Variants in MTA3 observed in about 807,000 individuals in gnomAD.
MTA3 encodes metastasis associated 1 family member 3.
A neutral mutation model predicts 83.5 loss-of-function variants in MTA3; 34 were observed. That is an observed-to-expected ratio of 0.41 (90% CI 0.31 to 0.54). The LOEUF (loss-of-function observed/expected upper bound fraction) is 0.54. Among genes scored for constraint, MTA3 ranks in the 20% least tolerant of loss-of-function variants. The pLI is 0.33. For missense variants in MTA3, 761 were observed against 726.4 expected, an observed-to-expected ratio of 1.05 and a Z score of -0.55; for synonymous variants, 303 against 252.7, an observed-to-expected ratio of 1.20 and a Z score of -1.89.
intron 8 of MTA3, among the ~76,000 whole-genome samples, chr2:42,667,428 C>G (rs571557797): frequency 9.9e-4 from 150 of 152,170 alleles, no homozygotes; most frequent in African/African-American, 3.1e-3. Flanking sequence ...GCCCTCTAGC[C>G]ACTACCCTTC....
chr2:42,509,720 A>G (rs1287705709), intron 2 of MTA3, among the ~76,000 whole-genome samples: 1 of 152,056 alleles, frequency 6.6e-6, no homozygotes, highest in Non-Finnish European at 1.5e-5. Flanking sequence ...GCAGTGAGCC[A>G]TGATCATACC....
intron 4 of MTA3, among the ~76,000 whole-genome samples, chr2:42,616,807 G>A (rs1450899558): frequency 2.0e-5 from 3 of 151,654 alleles, no homozygotes; most frequent in Non-Finnish European, 4.4e-5. Flanking sequence ...GCAAACGATC[G>A]CTGCTGGTCT....
intron 2 of MTA3, among the ~76,000 whole-genome samples, chr2:42,520,691 A>G (rs924608893): frequency 8.6e-5 from 13 of 151,874 alleles, no homozygotes; most frequent in African/African-American, 3.1e-4. Context: ...TCAACGTCCC[A>G]AGTAGCTAGG....
At chr2:42,584,201 G>A (rs187407650) in intron 3 of MTA3, among the ~76,000 whole-genome samples, 17 of 152,142 alleles carry the variant, frequency 1.1e-4, no homozygotes, top group African/African-American at 4.1e-4. Flanking sequence ...TGTACAAGCA[G>A]AGAAGAATAC....
chr2:42,505,500 C>T (rs965848060), intron 2 of MTA3, among the ~76,000 whole-genome samples: 1 of 152,088 alleles, frequency 6.6e-6, no homozygotes, highest in African/African-American at 2.4e-5. Flanking sequence ...GGCTGTCTTG[C>T]CTCCCATGCT....
intron 9 of MTA3, among the ~76,000 whole-genome samples, chr2:42,690,133 C>T (rs1400147927): frequency 6.6e-6 from 1 of 152,090 alleles, no homozygotes; most frequent in Admixed American, 6.6e-5. Context: ...AGCTACTGCA[C>T]TCCAGCCTGG....
intron 6 of MTA3, among the ~76,000 whole-genome samples, chr2:42,650,731 G>A (rs527706360): frequency 3.8e-4 from 58 of 152,184 alleles, no homozygotes; most frequent in African/African-American, 1.4e-3. Context: ...ACCCTTGATT[G>A]TGTTTGTTTT....
intron 3 of MTA3, among the ~76,000 whole-genome samples, chr2:42,603,107 C>A (rs1256653563): frequency 7.8e-6 from 1 of 128,308 alleles, no homozygotes; most frequent in East Asian, 2.2e-4. Flanking sequence ...AATAAATTTA[C>A]TTTTTTTTTT....
intron 2 of MTA3, among the ~76,000 whole-genome samples, chr2:42,510,282 C>T (rs911548894): frequency 1.4e-5 from 2 of 147,878 alleles, no homozygotes; most frequent in African/African-American, 5.0e-5. Flanking sequence ...GCTGAGATTG[C>T]ACCACTGCTC....
intron 3 of MTA3, among the ~76,000 whole-genome samples, chr2:42,593,410 G>A (rs185802272): frequency 2.9e-4 from 44 of 152,104 alleles, no homozygotes. Context: ...CATTATCTAT[G>A]TCAAGTGTTA....
rs530138635 is a variant in MTA3 at position 42,661,162 on chromosome 2, T to C, written c.702+1300T>C. Among the ~76,000 whole-genome samples the C allele has an allele frequency of 2.6e-5, 4 of 152,328 alleles. No homozygotes were observed. The East Asian group carries it at 5.8e-4, about 22-fold the overall frequency. The stretch of plus-strand genomic sequence containing the variant: ...TTAGGATCTCCAAAATGGGTTTGTA[T>C]TTCAGTTGTTTAGAGCTTCGAGAAT... On this transcript the variant is annotated intron_variant, in intron 8 of 16. Coordinates refer to ENST00000405094, the MANE Select transcript of MTA3 (RefSeq NM_001330442.2).
rs572860064 is a variant in MTA3 at position 42,599,544 on chromosome 2, T to G, written c.191-9914T>G. Among the ~76,000 whole-genome samples, 31 of 151,750 alleles carry G rather than the reference T, an allele frequency of 2.0e-4. No individual in the cohort carries two copies. The South Asian group carries it at 6.5e-3, about 32-fold the overall frequency. On this transcript the variant is annotated intron_variant, in intron 3 of 16. Transcript: ENST00000405094. The stretch of plus-strand genomic sequence containing the variant: ...GGTGGAGGTTGCAGTGAGCCGAGAT[T>G]GCGCCACTGCACTCCAGCCCGGGCG...
intron 14 of MTA3, among the ~76,000 whole-genome samples, chr2:42,714,659 G>C (rs1401997304): frequency 6.6e-6 from 1 of 152,144 alleles, no homozygotes; most frequent in African/African-American, 2.4e-5. Flanking sequence ...TAGGACAGTG[G>C]TCCCCAACCT....
intron 4 of MTA3, among the ~76,000 whole-genome samples, chr2:42,631,607 A>G (rs1465956101): frequency 3.3e-5 from 5 of 152,226 alleles, no homozygotes; most frequent in Non-Finnish European, 4.4e-5. Context: ...ACATCATGAA[A>G]TATGGGCTAT....
intron 16 of MTA3, among the ~76,000 whole-genome samples, chr2:42,748,201 T>TTGTGTGTGTGTGTGTG (rs61339061): frequency 3.3e-4 from 46 of 137,714 alleles, no homozygotes; most frequent in African/African-American, 1.1e-3. Context: ...GCTAATGTGT[T>TTGTGTGTGTGTGTGTG]TGTGTGTGTG....
chr2:42,597,392 T>TC (rs1485790825), intron 3 of MTA3, among the ~76,000 whole-genome samples: 1 of 147,896 alleles, frequency 6.8e-6, no homozygotes, highest in East Asian at 2.0e-4. Context: ...TTTTTTTTTT[T>TC]TTTCTGTTTT....
intron 9 of MTA3, among the ~76,000 whole-genome samples, chr2:42,691,435 C>A (rs1692891022): frequency 6.6e-6 from 1 of 152,160 alleles, no homozygotes; most frequent in Non-Finnish European, 1.5e-5. Flanking sequence ...CTTCATTCCC[C>A]TTTTTAACTT....
chr2:42,512,343 C>T (rs1674942693), intron 2 of MTA3, among the ~76,000 whole-genome samples: 2 of 152,086 alleles, frequency 1.3e-5, no homozygotes, highest in African/African-American at 4.8e-5. Context: ...TTCGGGATTC[C>T]ACTTCCAGTG....
chr2:42,638,415 G>A (rs920523824), intron 4 of MTA3, among the ~76,000 whole-genome samples: 3 of 151,824 alleles, frequency 2.0e-5, no homozygotes, highest in African/African-American at 7.3e-5. Context: ...TTGAGACAGG[G>A]TCTTGCTCTT....
Sources: gnomAD v4.1 joint callset for allele counts (sites outside exome capture counted in the v4.1 genomes callset) on GRCh38, gnomAD v4.1.1 for gene constraint, MANE v1.5 for transcripts, NCBI Gene and HGNC (gene_info 2026-07-23, HGNC 2026-07-21) for gene names.